Variants in FRMD4A observed in about 807,000 individuals in gnomAD.
The protein encoded by FRMD4A is FERM domain containing 4A.
In FRMD4A, 29 loss-of-function variants were observed where a neutral mutation model predicts 129.1. That is an observed-to-expected ratio of 0.22 (90% CI 0.17 to 0.31). The LOEUF is 0.31. FRMD4A is among the 10% of genes least tolerant of loss of function. FRMD4A has a pLI of 1.00. For synonymous variants in FRMD4A, 634 were observed against 571.6 expected (o/e 1.11, Z -1.56); for missense variants, 1,272 against 1,375.8 (o/e 0.92, Z 1.19).
At chr10:14,022,286 C>A (rs1832794405) in intron 2 of FRMD4A, among the ~76,000 whole-genome samples, 1 of 152,076 alleles carries the variant, frequency 6.6e-6, no homozygotes, top group Non-Finnish European at 1.5e-5. Flanking sequence ...GAACTTCAGA[C>A]AGGTCAAGAG....
chr10:13,978,772 T>C (rs1321900475), intron 2 of FRMD4A, among the ~76,000 whole-genome samples: 4 of 152,166 alleles, frequency 2.6e-5, no homozygotes, highest in Admixed American at 2.6e-4. Context: ...GACTGGAGAA[T>C]AACCTTTTAA....
chr10:14,236,631 G>T (rs145603004), intron 2 of FRMD4A, among the ~76,000 whole-genome samples: 1 of 152,178 alleles, frequency 6.6e-6, no homozygotes. Flanking sequence ...TCAATGAGTC[G>T]GTGCCCCACT....
intron 2 of FRMD4A, among the ~76,000 whole-genome samples, chr10:14,196,163 A>T (rs1176801305): frequency 1.6e-5 from 2 of 124,094 alleles, no homozygotes; most frequent in Non-Finnish European, 3.4e-5. Flanking sequence ...ATGCACACAC[A>T]TACACACACA....
At chr10:13,780,326 C>CA (rs35947539) in intron 6 of FRMD4A, among the ~76,000 whole-genome samples, 33,199 of 145,418 alleles carry the variant, frequency 0.23, 3,926 homozygotes, top group Middle Eastern at 0.29. Flanking sequence ...GACTGTGTCT[C>CA]AAAAAAAAAA....
intron 3 of FRMD4A, among the ~76,000 whole-genome samples, chr10:13,852,826 A>G (rs1457052542): frequency 6.6e-6 from 1 of 152,088 alleles, no homozygotes; most frequent in Non-Finnish European, 1.5e-5. Flanking sequence ...GCTGGTGGCT[A>G]CTGTACCACG....
chr10:14,038,835 T>C (rs1211125824), intron 2 of FRMD4A, among the ~76,000 whole-genome samples: 1 of 152,228 alleles, frequency 6.6e-6, no homozygotes, highest in Non-Finnish European at 1.5e-5. Context: ...TCACTAAATG[T>C]CTGATTGGCG....
intron 8 of FRMD4A, among the ~76,000 whole-genome samples, chr10:13,749,755 G>A (rs11258571): frequency 0.26 from 39,104 of 151,726 alleles, 5,175 homozygotes; most frequent in Middle Eastern, 0.34. Context: ...TGGGGAGGCC[G>A]AAGTGGGAGG....
intron 2 of FRMD4A, among the ~76,000 whole-genome samples, chr10:14,317,772 A>AAG (rs55756568): frequency 2.7e-5 from 4 of 150,546 alleles, no homozygotes; most frequent in African/African-American, 9.8e-5. Flanking sequence ...AAAAAAAAAA[A>AAG]GGAAGAAAGC....
intron 15 of FRMD4A, chr10:13,692,148 T>TC (rs1279875334): frequency 1.0e-5 from 1 of 97,566 alleles, no homozygotes; most frequent in Non-Finnish European, 2.3e-5. Flanking sequence ...AGCTTTTTTT[T>TC]TTTTTTTTTT....
At chr10:14,220,665 G>T (rs1216950690) in intron 2 of FRMD4A, among the ~76,000 whole-genome samples, 1 of 152,176 alleles carries the variant, frequency 6.6e-6, no homozygotes, top group Non-Finnish European at 1.5e-5. Flanking sequence ...CCTCAGTGCA[G>T]CAGTGGGAGT....
At chr10:14,027,890 C>A (rs1050074324) in intron 2 of FRMD4A, among the ~76,000 whole-genome samples, 3 of 152,158 alleles carry the variant, frequency 2.0e-5, no homozygotes, top group African/African-American at 7.2e-5. Flanking sequence ...CGGATGTCAC[C>A]CCGAAGAGAC....
chr10:13,859,514 A>C (rs2094263316), intron 2 of FRMD4A, among the ~76,000 whole-genome samples: 2 of 152,220 alleles, frequency 1.3e-5, no homozygotes, highest in African/African-American at 4.8e-5. Context: ...GAGATGTAAA[A>C]TAAATTAGCA....
In FRMD4A at chr10:13,900,217, C is replaced by T. The variant is rs373542082; in HGVS notation, c.46-41305G>A. 5.9e-5 allele frequency among the ~76,000 whole-genome samples: 9 copies of T among 152,250 alleles called. No individual in the cohort carries two copies. In the South Asian group the frequency reaches 1.0e-3, roughly 18 times the overall value. On this transcript the variant is annotated intron_variant, in intron 2 of 24. Coordinates refer to ENST00000357447, the MANE Select transcript of FRMD4A (RefSeq NM_018027.5). ...GCGATCAAGTACTTAAAACCAGGGT[C>T]CCCGGGGTGTATGAAGAAATTATCC...
At chr10:13,713,157 T>C (rs2088212943) in intron 12 of FRMD4A, among the ~76,000 whole-genome samples, 1 of 152,210 alleles carries the variant, frequency 6.6e-6, no homozygotes, top group Non-Finnish European at 1.5e-5. Context: ...GATCTCCCTA[T>C]GAGTAACTTC....
At chr10:13,693,392 C>T (rs11258530) in intron 15 of FRMD4A, 48,393 of 456,766 alleles carry the variant, frequency 0.11, 2,573 homozygotes, top group South Asian at 0.13. Context: ...ATCTCTGACT[C>T]GCAATTTCAA....
chr10:14,251,565 T>C (rs751922474), intron 2 of FRMD4A, among the ~76,000 whole-genome samples: 36 of 152,226 alleles, frequency 2.4e-4, no homozygotes, highest in Admixed American at 2.6e-4. Flanking sequence ...TAAATGACTG[T>C]TATCTCAAGC....
At chr10:13,744,860 T>C (rs2091209743) in intron 9 of FRMD4A, among the ~76,000 whole-genome samples, 1 of 152,240 alleles carries the variant, frequency 6.6e-6, no homozygotes, top group Non-Finnish European at 1.5e-5. Context: ...TGTGTGCACC[T>C]GCTCTCTCTT....
chr10:14,088,348 A>G (rs906620986), intron 2 of FRMD4A, among the ~76,000 whole-genome samples: 1 of 151,764 alleles, frequency 6.6e-6, no homozygotes, highest in South Asian at 2.1e-4. Flanking sequence ...TCAGGAGGCT[A>G]AGTTGGGAGG....
intron 2 of FRMD4A, among the ~76,000 whole-genome samples, chr10:14,068,845 G>C (rs1565226093): frequency 6.6e-6 from 1 of 151,734 alleles, no homozygotes; most frequent in Non-Finnish European, 1.5e-5. Flanking sequence ...GTCTTATTTA[G>C]TGAGTTCATT....
Sources: gnomAD v4.1 joint callset for allele counts (sites outside exome capture counted in the v4.1 genomes callset) on GRCh38, gnomAD v4.1.1 for gene constraint, MANE v1.5 for transcripts, NCBI Gene and HGNC (gene_info 2026-07-23, HGNC 2026-07-21) for gene names.